Variants in EPB41L2 observed in about 807,000 individuals in gnomAD.
EPB41L2 encodes the protein band 4.1-like protein 2.
In EPB41L2, 43 loss-of-function variants were observed where a neutral mutation model predicts 113.0. The ratio of observed to expected loss-of-function variants is 0.38; its 90% CI spans 0.30 to 0.49. The LOEUF is 0.49. EPB41L2 is among the 20% of genes least tolerant of loss of function. The probability of loss-of-function intolerance (pLI) is 0.95; values close to 1 mark genes in which losing one functional copy is unlikely to be tolerated. For missense variants in EPB41L2, 1,147 were observed against 1,223.4 expected (o/e 0.94, Z 0.93); for synonymous variants, 442 against 436.7 (o/e 1.01, Z -0.15).
rs1562318913 is a variant in EPB41L2 at position 130,861,612 on chromosome 6, C to CT, written c.2910+2025dup. Among the ~76,000 whole-genome samples, 12 of 152,268 alleles carry CT rather than the reference C, an allele frequency of 7.9e-5. No homozygotes were observed. The South Asian group carries it at 2.3e-3, about 29-fold the overall frequency. ...GTTGGCCAGGTGTGGTAGCTCACGA[C>CT]TGTAATCCCAGCACTTTGGGATGCC... is the stretch of plus-strand genomic sequence containing the variant. On this transcript the variant is annotated intron_variant, in intron 18 of 19. Coordinates refer to ENST00000337057, the MANE Select transcript of EPB41L2 (RefSeq NM_001431.4).
At chr6:131,024,254 C>G (rs1373726019) in intron 1 of EPB41L2, among the ~76,000 whole-genome samples, 4 of 151,968 alleles carry the variant, frequency 2.6e-5, no homozygotes, top group Admixed American at 2.0e-4. Flanking sequence ...ATACAAAAGC[C>G]CATGTGTGAT....
intron 1 of EPB41L2, among the ~76,000 whole-genome samples, chr6:130,973,985 T>A (rs1777527446): frequency 6.6e-6 from 1 of 152,118 alleles, no homozygotes. Context: ...CAGTGGTAGA[T>A]CTTCTGGTCC....
intron 1 of EPB41L2, among the ~76,000 whole-genome samples, chr6:130,984,746 T>G (rs1028988995): frequency 6.6e-6 from 1 of 152,244 alleles, no homozygotes; most frequent in East Asian, 1.9e-4. Flanking sequence ...TCTGTCCCAC[T>G]GTCTCCTTAA....
intron 19 of EPB41L2, among the ~76,000 whole-genome samples, chr6:130,853,668 C>A (rs1017899184): frequency 1.3e-5 from 2 of 152,116 alleles, no homozygotes; most frequent in Non-Finnish European, 2.9e-5. Context: ...GCAGGTTGTT[C>A]TTTTACCATC....
At position 130,994,702 on chromosome 6, in the gene EPB41L2, G is replaced by T. The variant is rs367918815; in HGVS notation, c.-14-38203C>A. Among the ~76,000 whole-genome samples, 322 of 152,276 alleles carry T rather than the reference G, an allele frequency of 2.1e-3. 4 individuals carry two copies. The highest frequency in any genetic ancestry group is 0.01 in the Middle Eastern group (3 of 294). ...ATATTATACTTAAACATATAGAAAA[G>T]TATAGGTACTGTGAAAAACATAAAT... On this transcript the variant is annotated intron_variant, in intron 1 of 19. Transcript: ENST00000337057.
At chr6:131,029,388 G>GAT (rs1791567815) in intron 1 of EPB41L2, among the ~76,000 whole-genome samples, 1 of 97,632 alleles carries the variant, frequency 1.0e-5, no homozygotes. Flanking sequence ...TTCAGCATTT[G>GAT]TTTAAAAAAA....
At chr6:130,873,876 G>C (rs1331132193) in intron 14 of EPB41L2, among the ~76,000 whole-genome samples, 1 of 152,162 alleles carries the variant, frequency 6.6e-6, no homozygotes, top group African/African-American at 2.4e-5. Flanking sequence ...GGTGAGGGGA[G>C]TAGGCACTTG....
At chr6:130,891,336 G>GA (rs111984625) in intron 10 of EPB41L2, among the ~76,000 whole-genome samples, 34 of 146,384 alleles carry the variant, frequency 2.3e-4, no homozygotes, top group South Asian at 1.7e-3. Flanking sequence ...CTGCAATAAA[G>GA]AAAAAAAAAA....
chr6:130,992,831 T>C (rs1328993835), intron 1 of EPB41L2, among the ~76,000 whole-genome samples: 1 of 152,074 alleles, frequency 6.6e-6, no homozygotes, highest in Non-Finnish European at 1.5e-5. Flanking sequence ...TTCACCATAT[T>C]GGCCAGGACG....
chr6:130,947,324 C>A (rs536811148), intron 3 of EPB41L2, among the ~76,000 whole-genome samples: 75 of 152,072 alleles, frequency 4.9e-4, no homozygotes, highest in African/African-American at 1.8e-3. Context: ...TAAGTGAAGA[C>A]AATTAGGTCT....
At position 130,841,687 on chromosome 6, in the gene EPB41L2, A is replaced by T. The variant is rs139374585; in HGVS notation, c.*6-1089T>A. Among the ~76,000 whole-genome samples, 193 of 152,330 alleles carry T rather than the reference A, an allele frequency of 1.3e-3. 1 individual carries two copies. The highest frequency in any genetic ancestry group is 4.5e-3 in the African/African-American group (186 of 41,566). ...AATCAGAGTGTGGTGGTTAAGAAGTAAGTATAAGACAGGATGATAAGGTTT... is the reference window on the plus strand; with the variant it reads ...AATCAGAGTGTGGTGGTTAAGAAGTTAGTATAAGACAGGATGATAAGGTTT... On this transcript the variant is annotated intron_variant, in intron 19 of 19. Coordinates refer to ENST00000337057, the MANE Select transcript of EPB41L2 (RefSeq NM_001431.4).
intron 8 of EPB41L2, among the ~76,000 whole-genome samples, chr6:130,895,571 A>G (rs1583186966): frequency 6.6e-6 from 1 of 152,320 alleles, no homozygotes; most frequent in East Asian, 1.9e-4. Flanking sequence ...CAGATGGATT[A>G]CCCTAGCTAA....
chr6:130,954,261 G>T (rs940439824), intron 3 of EPB41L2, among the ~76,000 whole-genome samples: 3 of 151,676 alleles, frequency 2.0e-5, no homozygotes, highest in African/African-American at 7.3e-5. Context: ...CACCATGTTA[G>T]CCAGGATGGT....
intron 1 of EPB41L2, among the ~76,000 whole-genome samples, chr6:130,957,308 A>G (rs748625144): frequency 3.3e-5 from 5 of 152,254 alleles, no homozygotes; most frequent in Non-Finnish European, 7.3e-5. Flanking sequence ...AAATTTAAAT[A>G]AATTCTGAAA....
At chr6:130,997,953 CCTTA>C (rs1218789292) in intron 1 of EPB41L2, among the ~76,000 whole-genome samples, 1 of 152,120 alleles carries the variant, frequency 6.6e-6, no homozygotes, top group Non-Finnish European at 1.5e-5. Flanking sequence ...CACAAAATAA[CCTTA>C]CTTATCAACT....
rs373328785 is a variant in EPB41L2, at chr6:130,955,320, G to A, written c.493-3C>T. On this transcript the variant is annotated splice_polypyrimidine_tract_variant and splice_region_variant and intron_variant, in intron 2 of 19. Transcript: ENST00000337057. ...TCCTTACTTACTAATTCAGTAGGCTGTTGAGGAAAAAAAAATAAATTCATA... is the reference window on the plus strand; with the variant it reads ...TCCTTACTTACTAATTCAGTAGGCTATTGAGGAAAAAAAAATAAATTCATA... The A allele has an allele frequency of 2.5e-6, 4 of 1,576,546 alleles. No homozygotes were observed. The Admixed American group carries it at 7.1e-5, about 28-fold the overall frequency.
intron 3 of EPB41L2, among the ~76,000 whole-genome samples, chr6:130,932,400 A>G (rs1807206216): frequency 6.6e-6 from 1 of 152,132 alleles, no homozygotes. Context: ...AGCAAAATAT[A>G]CACATAATTT....
intron 1 of EPB41L2, among the ~76,000 whole-genome samples, chr6:131,025,370 C>CT (rs750737719): frequency 6.6e-6 from 1 of 152,060 alleles, no homozygotes; most frequent in Non-Finnish European, 1.5e-5. Context: ...GAATTGTTGC[C>CT]TTTTTTATAG....
chr6:131,032,560 G>T (rs376316375), intron 1 of EPB41L2, among the ~76,000 whole-genome samples: 5 of 152,096 alleles, frequency 3.3e-5, no homozygotes, highest in Non-Finnish European at 7.4e-5. Flanking sequence ...ATATTACAAC[G>T]TATGCTCACT....
Sources: gnomAD v4.1 joint callset for allele counts (sites outside exome capture counted in the v4.1 genomes callset) on GRCh38, gnomAD v4.1.1 for gene constraint, MANE v1.5 for transcripts, NCBI Gene and HGNC (gene_info 2026-07-23, HGNC 2026-07-21) for gene names.